LRSAM1: variants seen among roughly 807,000 people sequenced by gnomAD.
LRSAM1 encodes the protein E3 ubiquitin-protein ligase LRSAM1.
In LRSAM1, 96 loss-of-function variants were observed where a neutral mutation model predicts 118.1. The ratio of observed to expected loss-of-function variants is 0.81; its 90% CI spans 0.69 to 0.96. The LOEUF (loss-of-function observed/expected upper bound fraction) is 0.96. Among genes scored for constraint, LRSAM1 ranks in the 40% least tolerant of loss-of-function variants. The pLI is 0.00. For synonymous variants in LRSAM1, 322 were observed against 364.2 expected (o/e 0.88, Z 1.32); for missense variants, 804 against 915.5 (o/e 0.88, Z 1.57).
Position 127,502,908 on chromosome 9 carries a change from C to A in LRSAM1, c.*9C>A. ...TCTACCACAGCAGCTGAGTGCTGCC[C>A]GCCCACCTGGGCCTGGTCCTAGCCC... is the stretch of plus-strand genomic sequence containing the variant. On this transcript the variant is annotated 3_prime_UTR_variant, in exon 26 of 26. Transcript: ENST00000300417. 6.3e-7 allele frequency: 1 copy of A among 1,588,160 alleles called. No homozygotes were observed. The highest frequency in any genetic ancestry group is 2.3e-5 in the East Asian group (1 of 43,206).
Position 127,492,819 on chromosome 9 carries a change from G to C in LRSAM1, c.1521G>C (p.Gln507His). The change falls in exon 21 of 26, where the codon CAG becomes CAC. Residue 507 changes from glutamine to histidine, a missense_variant. Physicochemically the swap from Gln to His is conservative, Grantham distance 24. Transcript: ENST00000300417. The stretch of plus-strand genomic sequence containing the variant: ...GTTCGCAGGAGATGATCTCGGAGCA[G>C]CGCTGGGCCCTCAGCTCCCTGCTCC... ...TESLQEMISEQRWALSSLLQQ... is the reference protein window; with the variant it reads ...TESLQEMISEHRWALSSLLQQ... 1 of 1,613,896 alleles carries C rather than the reference G, an allele frequency of 6.2e-7. No individual in the cohort carries two copies. Among genetic ancestry groups the C allele is most frequent in the East Asian group, 2.2e-5 (1 of 44,884 alleles).
chr9:127,483,255 A>G lies in LRSAM1; in HGVS notation c.1159+235A>G, dbSNP rs567711750. ...GGACATTACTGCTTACTGCTCCCCA[A>G]CTTTTCCAAGGCTCGGTTTTCTTAG... On this transcript the variant is annotated intron_variant, in intron 16 of 25. Transcript: ENST00000300417. 4.9e-4 allele frequency among the ~76,000 whole-genome samples: 74 copies of G among 152,276 alleles called. 1 individual carries two copies. The highest frequency in any genetic ancestry group is 1.7e-3 in the African/African-American group (71 of 41,556).
Position 127,481,325 on chromosome 9 carries a change from T to C in LRSAM1, c.1088+98T>C. 2.2e-6 allele frequency: 3 copies of C among 1,345,556 alleles called. No homozygotes were observed. The South Asian group carries it at 3.6e-5, about 16-fold the overall frequency. 83.4% of individuals were successfully genotyped at this position (1,345,556 alleles called of 1,614,324 possible). Reference sequence around the variant, plus strand: ...TGGAGTGCAGTGGCACAATCTCGGCTCAGTGCAACCCCCGCCGCCCAGGTC... The same window carrying C: ...TGGAGTGCAGTGGCACAATCTCGGCCCAGTGCAACCCCCGCCGCCCAGGTC... On this transcript the variant is annotated intron_variant, in intron 15 of 25. Coordinates refer to ENST00000300417, the MANE Select transcript of LRSAM1 (RefSeq NM_001005373.4).
intron 9 of LRSAM1, among the ~76,000 whole-genome samples, chr9:127,464,833 A>G (rs1048581470): frequency 2.6e-5 from 4 of 151,794 alleles, no homozygotes; most frequent in African/African-American, 7.3e-5. Context: ...TGTAGAGATG[A>G]GGTCCCACTA....
At chr9:127,461,802 C>A (rs1198805423) in intron 8 of LRSAM1, among the ~76,000 whole-genome samples, 2 of 152,276 alleles carry the variant, frequency 1.3e-5, no homozygotes, top group East Asian at 3.8e-4. Context: ...GCTCGCCACA[C>A]CCAGCTCTCT....
rs200191027 is a variant in LRSAM1, at chr9:127,458,416, A to AC, written c.253-587_253-586insC. Among the ~76,000 whole-genome samples the AC allele has an allele frequency of 2.4e-3, 313 of 131,984 alleles. 10 individuals carry two copies. Among genetic ancestry groups the AC allele is most frequent in the South Asian group, 9.5e-3 (40 of 4,194 alleles). The allele number at this position is 131,984 out of a possible 152,430, so 86.6% of individuals were successfully genotyped here. On this transcript the variant is annotated intron_variant, in intron 6 of 25. Transcript: ENST00000300417. ...AAACAAAACAAAACAAAACAAAACA[A>AC]AACAAAAAAAAACACCAGCAGAGCA...
Position 127,475,389 on chromosome 9 carries a change from G to A in LRSAM1, c.750+1458G>A, listed in dbSNP as rs1588115998. On this transcript the variant is annotated intron_variant, in intron 11 of 25. Coordinates refer to ENST00000300417, the MANE Select transcript of LRSAM1 (RefSeq NM_001005373.4). ...ACCTGTAATCCCAGCTACTCGGGAG[G>A]CTGAGGCACAAGAATCACTTGAATC... is the stretch of plus-strand genomic sequence containing the variant. Among the ~76,000 whole-genome samples, 5 of 152,248 alleles carry A rather than the reference G, an allele frequency of 3.3e-5. 1 individual carries two copies. The highest frequency in any genetic ancestry group is 3.3e-4 in the Admixed American group (5 of 15,290).
chr9:127,490,994 C>G (rs533548560), intron 19 of LRSAM1, among the ~76,000 whole-genome samples: 2 of 89,738 alleles, frequency 2.2e-5, no homozygotes, highest in East Asian at 5.9e-4. Context: ...TTGGCCACAA[C>G]AAGCACGTCC....
At chr9:127,459,161 C>A (rs1206721644) in intron 7 of LRSAM1, 90 bp downstream of exon 7, 2 of 1,280,234 alleles carry the variant, frequency 1.6e-6, no homozygotes, top group Non-Finnish European at 2.2e-6. Context: ...CGGGCTCCAG[C>A]CAGTGGAAGC....
intron 11 of LRSAM1, among the ~76,000 whole-genome samples, chr9:127,476,573 A>C (rs912482297): frequency 3.3e-5 from 5 of 152,164 alleles, no homozygotes; most frequent in African/African-American, 1.2e-4. Flanking sequence ...AAGAAAACTC[A>C]AAACAAAAAA....
At position 127,489,585 on chromosome 9, in the gene LRSAM1, G is replaced by A. The variant is rs189843482; in HGVS notation, c.1422+67G>A. ...GACTTGCAGAGTGGCCCTCCAGGGC[G>A]GCAGGTCGCAGCAGTTGAGGTTTGA... On this transcript the variant is annotated intron_variant, in intron 19 of 25. Transcript: ENST00000300417. The A allele has an allele frequency of 2.8e-5, 43 of 1,528,182 alleles. No individual in the cohort carries two copies. In the East Asian group the frequency reaches 4.3e-4, roughly 15 times the overall value. 94.7% of individuals were successfully genotyped at this position (1,528,182 alleles called of 1,614,324 possible).
intron 25 of LRSAM1, among the ~76,000 whole-genome samples, chr9:127,501,881 G>A (rs149313275): frequency 2.3e-3 from 356 of 152,324 alleles, no homozygotes; most frequent in African/African-American, 8.2e-3. Flanking sequence ...TGATTCCAGG[G>A]TCTCCCGTTG....
At chr9:127,469,287 T>TAGTG (rs1835075438) in intron 10 of LRSAM1, among the ~76,000 whole-genome samples, 2 of 151,734 alleles carry the variant, frequency 1.3e-5, no homozygotes, top group Non-Finnish European at 2.9e-5. Context: ...CTGGTCAACA[T>TAGTG]GGTAAAACTC....
intron 9 of LRSAM1, 79 bp from the exon 10 acceptor site, chr9:127,467,661 C>T: frequency 7.3e-7 from 1 of 1,372,978 alleles, no homozygotes. Flanking sequence ...ACAGAGAACA[C>T]ACAAATTGAT....
chr9:127,501,409 A>T (rs1836387669), intron 25 of LRSAM1, among the ~76,000 whole-genome samples: 1 of 152,024 alleles, frequency 6.6e-6, no homozygotes, highest in Non-Finnish European at 1.5e-5. Context: ...AAATATCAAC[A>T]ACATGATTTA....
chr9:127,490,816 C>T (rs1326327127), intron 19 of LRSAM1, among the ~76,000 whole-genome samples: 1 of 152,182 alleles, frequency 6.6e-6, no homozygotes, highest in East Asian at 1.9e-4. Context: ...TCCCCTGCAA[C>T]AGCGATGCGA....
At position 127,476,297 on chromosome 9, in the gene LRSAM1, A is replaced by G. The variant is rs151004394; in HGVS notation, c.750+2366A>G. On this transcript the variant is annotated intron_variant, in intron 11 of 25. Transcript: ENST00000300417. ...TGAAAAGGGCAGATTGCAGAACAGG[A>G]TGGGCTAGTCTATTTCCATTCTTAT... is the stretch of plus-strand genomic sequence containing the variant. Among the ~76,000 whole-genome samples the G allele has an allele frequency of 7.3e-3, 1,108 of 152,310 alleles. 14 individuals are homozygous for G. Among genetic ancestry groups the G allele is most frequent in the African/African-American group, 0.025 (1,029 of 41,572 alleles).
intron 16 of LRSAM1, among the ~76,000 whole-genome samples, chr9:127,484,453 C>A (rs1835654687): frequency 6.6e-6 from 1 of 152,050 alleles, no homozygotes; most frequent in Non-Finnish European, 1.5e-5. Context: ...GCCTCCACCT[C>A]CTGGGCTCAA....
At chr9:127,495,057 T>G (rs1376640534) in intron 21 of LRSAM1, among the ~76,000 whole-genome samples, 1 of 152,180 alleles carries the variant, frequency 6.6e-6, no homozygotes, top group Non-Finnish European at 1.5e-5. Context: ...GCTCAAGAGA[T>G]TCTCCTGCCT....
Sources: allele counts gnomAD v4.1 joint callset (sites outside exome capture counted in the v4.1 genomes callset), GRCh38; gene constraint gnomAD v4.1.1; transcripts MANE v1.5; gene names NCBI Gene and HGNC (gene_info 2026-07-23, HGNC 2026-07-21).